The following TENM1 variants were observed in gnomAD, a reference collection of about 807,000 sequenced individuals.
TENM1 encodes teneurin-1.
A neutral mutation model predicts 174.8 loss-of-function variants in TENM1; 35 were observed. That is an observed-to-expected ratio of 0.20 (90% CI 0.15 to 0.27). The LOEUF is 0.27. Among genes scored for constraint, TENM1 ranks in the 10% least tolerant of loss-of-function variants. TENM1 has a pLI of 1.00. For synonymous variants in TENM1, 781 were observed against 798.7 expected, an observed-to-expected ratio of 0.98 and a Z score of 0.37; for missense variants, 1,633 against 2,130.1, an observed-to-expected ratio of 0.77 and a Z score of 4.59.
chrX:124,971,654 C>A, the TENM1 span, among the ~76,000 whole-genome samples: 4 of 111,523 alleles, frequency 3.6e-5, no homozygotes, highest in East Asian at 1.1e-3. Context: ...AATTAATGAG[C>A]CAAAAGCTTT....
chrX:124,908,378 T>G (rs1464265776), intron 1 of TENM1, among the ~76,000 whole-genome samples: 1 of 110,906 alleles, frequency 9.0e-6, no homozygotes, highest in Non-Finnish European at 1.9e-5. Context: ...TGTGTCCATG[T>G]GTTCTCATTG....
chrX:124,497,119 C>T (rs1375710545), exon 20 of TENM1: 2 of 1,210,297 alleles, frequency 1.7e-6, no homozygotes, highest in Admixed American at 2.2e-5. Context: ...GCTAAGGCGA[C>T]AGGAGCAAAG....
At position 124,852,836 on chromosome X, in the gene TENM1, G is replaced by T. The variant is rs1182220163; in HGVS notation, c.535+41460C>A. 2.7e-5 allele frequency among the ~76,000 whole-genome samples: 3 copies of T among 111,367 alleles called. No individual in the cohort carries two copies. In the Admixed American group the frequency reaches 2.9e-4, roughly 11 times the overall value. ...GGAATGAAGAGAAAACATCAGTGAA[G>T]GAGTCTAAAAAGACTGGATAGCCCA... On this transcript the variant is annotated intron_variant, in intron 3 of 31. Coordinates refer to ENST00000422452, the Ensembl canonical transcript of TENM1.
the TENM1 span, among the ~76,000 whole-genome samples, chrX:124,970,837 G>C: frequency 9.0e-6 from 1 of 110,775 alleles, no homozygotes; most frequent in Non-Finnish European, 1.9e-5. Context: ...ACATGCACAC[G>C]TATGTTCATG....
chrX:124,756,873 G>A (rs1206796834), intron 3 of TENM1, among the ~76,000 whole-genome samples: 5 of 111,362 alleles, frequency 4.5e-5, no homozygotes, highest in East Asian at 5.7e-4. Flanking sequence ...AGGAGTACCC[G>A]GCCGTGTGAG....
At chrX:124,582,254 T>C (rs1295447147) in intron 11 of TENM1, among the ~76,000 whole-genome samples, 1 of 112,471 alleles carries the variant, frequency 8.9e-6, no homozygotes, top group East Asian at 2.8e-4. Flanking sequence ...ATGGTGTGTA[T>C]GTACCATATT....
chrX:124,735,756 TA>T (rs963494727), intron 4 of TENM1, among the ~76,000 whole-genome samples: 75 of 110,604 alleles, frequency 6.8e-4, no homozygotes, highest in Middle Eastern at 4.6e-3. Flanking sequence ...CACAGAGCCT[TA>T]AAAAAAAATC....
At chrX:124,852,379 T>C (rs1049588971) in intron 3 of TENM1, among the ~76,000 whole-genome samples, 3 of 107,402 alleles carry the variant, frequency 2.8e-5, no homozygotes, top group Non-Finnish European at 5.8e-5. Flanking sequence ...GGGCTGGAGG[T>C]AAGGCAGAGG....
At chrX:125,132,063 C>G in the TENM1 span, among the ~76,000 whole-genome samples, 180 of 111,925 alleles carry the variant, frequency 1.6e-3, 1 homozygote, top group Non-Finnish European at 2.3e-3. Flanking sequence ...TCCCTGTATC[C>G]CACAGTTAAG....
the TENM1 span, among the ~76,000 whole-genome samples, chrX:125,058,448 A>G: frequency 1.8e-5 from 2 of 111,830 alleles, no homozygotes; most frequent in African/African-American, 6.5e-5. Flanking sequence ...TTTTGACTAG[A>G]CAATTTTATG....
chrX:124,836,009 C>G (rs1410203136), intron 3 of TENM1, among the ~76,000 whole-genome samples: 1 of 111,435 alleles, frequency 9.0e-6, no homozygotes, highest in Non-Finnish European at 1.9e-5. Context: ...TTCCGTGGAC[C>G]ACAGGTGGCT....
chrX:124,561,871 A>G (rs749981056), intron 13 of TENM1, 54 bp from the exon 17 acceptor site: 9 of 1,133,534 alleles, frequency 7.9e-6, no homozygotes, highest in Non-Finnish European at 1.1e-5. Context: ...GGGATTGGCC[A>G]ACAATGATGT....
chrX:124,855,036 T>C (rs1339692653), intron 3 of TENM1, among the ~76,000 whole-genome samples: 1 of 111,727 alleles, frequency 9.0e-6, no homozygotes, highest in Non-Finnish European at 1.9e-5. Flanking sequence ...AATCATTTAT[T>C]CAAGTCCAGT....
intron 3 of TENM1, among the ~76,000 whole-genome samples, chrX:124,757,916 C>T (rs752533536): frequency 4.5e-5 from 5 of 112,052 alleles, no homozygotes; most frequent in African/African-American, 1.3e-4. Context: ...CAAAAGCATT[C>T]GAATTCCCTA....
intron 5 of TENM1, among the ~76,000 whole-genome samples, chrX:124,685,586 T>A (rs1602996523): frequency 9.8e-6 from 1 of 102,499 alleles, no homozygotes; most frequent in Non-Finnish European, 2.0e-5. Flanking sequence ...TGAGATGGAG[T>A]TTTGCTCTTG....
the TENM1 span, among the ~76,000 whole-genome samples, chrX:125,035,797 T>C: frequency 2.7e-5 from 3 of 111,268 alleles, no homozygotes; most frequent in Non-Finnish European, 3.8e-5. Context: ...AGGGAAATTA[T>C]ATGCTAGAGT....
chrX:124,958,482 T>G (rs1384149072), intron 1 of TENM1, among the ~76,000 whole-genome samples: 3 of 111,695 alleles, frequency 2.7e-5, no homozygotes, highest in Non-Finnish European at 5.6e-5. Flanking sequence ...TTATAAACGC[T>G]TGGTCACTGG....
At chrX:124,612,716 C>T (rs1236873977) in intron 11 of TENM1, among the ~76,000 whole-genome samples, 2 of 111,008 alleles carry the variant, frequency 1.8e-5, no homozygotes, top group Non-Finnish European at 3.8e-5. Flanking sequence ...AACCTATTAA[C>T]CTGAATGACC....
chrX:124,910,917 ATT>A (rs751665035), intron 1 of TENM1, among the ~76,000 whole-genome samples: 2 of 101,887 alleles, frequency 2.0e-5, no homozygotes, highest in African/African-American at 7.2e-5. Flanking sequence ...ATATATTATA[ATT>A]TTTTTTTTTT....
Sources: allele counts gnomAD v4.1 joint callset (sites outside exome capture counted in the v4.1 genomes callset), GRCh38; gene constraint gnomAD v4.1.1; transcripts MANE v1.5; gene names NCBI Gene and HGNC (gene_info 2026-07-23, HGNC 2026-07-21).